Variants in INPP4A observed in about 807,000 individuals in gnomAD.
The protein encoded by INPP4A is inositol polyphosphate-4-phosphatase, type I, 107kD.
Under a neutral mutation model 119.8 loss-of-function variants are expected in INPP4A, and 33 were observed. The ratio of observed to expected loss-of-function variants is 0.28; its 90% CI spans 0.21 to 0.37. INPP4A has a LOEUF of 0.37. INPP4A is among the 10% of genes least tolerant of loss of function. The probability of loss-of-function intolerance (pLI) is 1.00; values close to 1 mark genes in which losing one functional copy is unlikely to be tolerated. For synonymous variants in INPP4A, 496 were observed against 500.7 expected, an observed-to-expected ratio of 0.99 and a Z score of 0.12; for missense variants, 956 against 1,289.9, an observed-to-expected ratio of 0.74 and a Z score of 3.97.
At chr2:98,556,770 A>T (rs780382933) in intron 16 of INPP4A, among the ~76,000 whole-genome samples, 31 of 152,212 alleles carry the variant, frequency 2.0e-4, no homozygotes, top group Non-Finnish European at 3.7e-4. Flanking sequence ...TTCAGGTTGT[A>T]AGATGCCCTT....
At chr2:98,448,938 C>T (rs1032761228) in intron 1 of INPP4A, among the ~76,000 whole-genome samples, 1 of 152,112 alleles carries the variant, frequency 6.6e-6, no homozygotes, top group Non-Finnish European at 1.5e-5. Context: ...CTCCTACTCT[C>T]GCCATCCTCC....
At chr2:98,454,992 C>T (rs987191001) in intron 1 of INPP4A, among the ~76,000 whole-genome samples, 2 of 152,098 alleles carry the variant, frequency 1.3e-5, no homozygotes, top group Non-Finnish European at 2.9e-5. Context: ...AATGGCAATA[C>T]AGTGGTATGT....
In INPP4A at chr2:98,554,147, C is replaced by A. The variant is rs1694051812; in HGVS notation, c.1348-124C>A. 15 of 701,866 alleles carry A rather than the reference C, an allele frequency of 2.1e-5. No homozygotes were observed. The highest frequency in any genetic ancestry group is 2.8e-5 in the Non-Finnish European group (12 of 425,490). 43.5% of individuals were successfully genotyped at this position (701,866 alleles called of 1,614,324 possible). ...GATGTAGCCCTTCAGTTGCTTTGCACTGTGGAGAAAGGCAGAGGGGTGCAG... is the reference window on the plus strand; with the variant it reads ...GATGTAGCCCTTCAGTTGCTTTGCAATGTGGAGAAAGGCAGAGGGGTGCAG... On this transcript the variant is annotated intron_variant, in intron 14 of 24. Transcript: ENST00000409851. This position sits in a 1 kb window ranked among gnomAD's most constrained non-coding sequence, Gnocchi z 4.7.
Position 98,563,633 on chromosome 2 carries a change from A to G in INPP4A, c.2024A>G (p.Gln675Arg). ...LQYRRDVVFC[Q>R]TLTALICGFI... is the part of the protein sequence containing the mutation. ...TACCGCCGTGACGTGGTCTTCTGCC[A>G]GACGGTAGGCCCCGGGAGCACCCCG... Residue 675 changes from glutamine (Q) to arginine (R), a missense_variant, in exon 18 of 25, where the codon CAG (glutamine) becomes CGG (arginine). Gln to Arg is a conservative substitution (Grantham distance 43, BLOSUM62 1). Coordinates refer to ENST00000409851, the MANE Select transcript of INPP4A (RefSeq NM_001134225.2). The G allele has an allele frequency of 6.2e-7, 1 of 1,612,358 alleles. No homozygotes were observed. Among genetic ancestry groups the G allele is most frequent in the Non-Finnish European group, 8.5e-7 (1 of 1,179,820 alleles).
intron 9 of INPP4A, 125 bp from the exon 10 acceptor site, chr2:98,539,403 C>T (rs2105991668): frequency 9.4e-7 from 1 of 1,067,238 alleles, no homozygotes. Context: ...CGTTTTAATT[C>T]CCATGAGATG....
At chr2:98,582,940 C>T (rs1699533666) in intron 24 of INPP4A, among the ~76,000 whole-genome samples, 1 of 151,994 alleles carries the variant, frequency 6.6e-6, no homozygotes, top group Non-Finnish European at 1.5e-5. Context: ...AGAAAGATAA[C>T]CTCCTGCATA....
chr2:98,534,220 C>T (rs1689775886), intron 5 of INPP4A, among the ~76,000 whole-genome samples: 1 of 152,220 alleles, frequency 6.6e-6, no homozygotes. Context: ...CGAGTGCTAC[C>T]TACACATCTA....
intron 4 of INPP4A, among the ~76,000 whole-genome samples, chr2:98,531,748 G>A (rs1689270498): frequency 6.6e-6 from 1 of 152,146 alleles, no homozygotes; most frequent in Admixed American, 6.6e-5. Flanking sequence ...GAAGTAAGGT[G>A]GAATAAAGAC....
chr2:98,568,293 G>C (rs891091534), intron 21 of INPP4A, among the ~76,000 whole-genome samples: 1 of 152,182 alleles, frequency 6.6e-6, no homozygotes, highest in Non-Finnish European at 1.5e-5. Flanking sequence ...TGTGAGGGGG[G>C]ATCCTGTGCT....
Position 98,564,775 on chromosome 2 carries a change from G to T in INPP4A, c.2152+12G>T. ...GCTGAGCACCTACGGTGAGGCGCCC[G>T]GGCCAGGATCGGGAGCCCCACTTGC... On this transcript the variant is annotated intron_variant, in intron 19 of 24. Coordinates refer to ENST00000409851, the MANE Select transcript of INPP4A (RefSeq NM_001134225.2). The T allele has an allele frequency of 6.4e-7, 1 of 1,570,896 alleles. No homozygotes were observed. The highest frequency in any genetic ancestry group is 8.6e-7 in the Non-Finnish European group (1 of 1,156,542).
intron 22 of INPP4A, among the ~76,000 whole-genome samples, chr2:98,571,481 C>T (rs1284399389): frequency 6.6e-6 from 1 of 152,240 alleles, no homozygotes; most frequent in Non-Finnish European, 1.5e-5. Flanking sequence ...GAATTTGTGC[C>T]TAGCACCTTA....
At chr2:98,462,413 A>C (rs923930597) in intron 1 of INPP4A, among the ~76,000 whole-genome samples, 1 of 152,242 alleles carries the variant, frequency 6.6e-6, no homozygotes. Context: ...GTGCCACTGC[A>C]CTTTAGCCTG....
chr2:98,467,643 T>C (rs1675068343), intron 1 of INPP4A, among the ~76,000 whole-genome samples: 1 of 152,232 alleles, frequency 6.6e-6, no homozygotes, highest in Admixed American at 6.5e-5. Flanking sequence ...TTCTTTTCCT[T>C]AAGTTAGAGT....
At chr2:98,450,301 A>G (rs1451927659) in intron 1 of INPP4A, among the ~76,000 whole-genome samples, 1 of 152,234 alleles carries the variant, frequency 6.6e-6, no homozygotes, top group Admixed American at 6.5e-5. Flanking sequence ...AACTTCCTTC[A>G]CAGGATTGAA....
intron 22 of INPP4A, among the ~76,000 whole-genome samples, chr2:98,571,027 CAT>C (rs1697346911): frequency 1.3e-5 from 2 of 152,186 alleles, no homozygotes; most frequent in African/African-American, 4.8e-5. Context: ...GGGTGGTAAA[CAT>C]AGCATGAAGT....
intron 11 of INPP4A, among the ~76,000 whole-genome samples, chr2:98,544,237 CTG>C (rs1374050861): frequency 1.3e-5 from 2 of 152,190 alleles, no homozygotes. Context: ...AAAGACAAAT[CTG>C]TGAATTGCAG....
intron 1 of INPP4A, among the ~76,000 whole-genome samples, chr2:98,496,532 T>C (rs998538437): frequency 6.6e-6 from 1 of 152,094 alleles, no homozygotes; most frequent in Non-Finnish European, 1.5e-5. Flanking sequence ...TGGCATTACA[T>C]TAAGCTAAAA....
chr2:98,508,934 A>T (rs1413883807), intron 1 of INPP4A, among the ~76,000 whole-genome samples: 1 of 152,156 alleles, frequency 6.6e-6, no homozygotes, highest in Non-Finnish European at 1.5e-5. Context: ...GGGGTCATGT[A>T]TGGGAACACT....
chr2:98,574,086 T>G (rs1697989277), intron 23 of INPP4A, among the ~76,000 whole-genome samples: 1 of 152,194 alleles, frequency 6.6e-6, no homozygotes, highest in Non-Finnish European at 1.5e-5. Flanking sequence ...GGCAGGTTTC[T>G]CAGGCCTCAT....
Sources: allele counts gnomAD v4.1 joint callset (sites outside exome capture counted in the v4.1 genomes callset), GRCh38; gene constraint gnomAD v4.1.1; non-coding constraint Gnocchi (gnomAD v3.1); transcripts MANE v1.5; gene names NCBI Gene and HGNC (gene_info 2026-07-23, HGNC 2026-07-21).